The following TUBGCP6 variants were observed in gnomAD, a reference collection of about 807,000 sequenced individuals.
The protein encoded by TUBGCP6 is gamma-tubulin complex component 6.
TUBGCP6 carries 161 observed loss-of-function variants against 175.8 expected under a neutral mutation model. That is an observed-to-expected ratio of 0.92 (90% confidence interval 0.81 to 1.04). The LOEUF (loss-of-function observed/expected upper bound fraction) is 1.04, where lower values mean the gene tolerates loss of function less well. Ranked by LOEUF, TUBGCP6 falls within the 50% of genes least tolerant of loss-of-function variation. The probability of loss-of-function intolerance (pLI) is 0.00; values close to 1 mark genes in which losing one functional copy is unlikely to be tolerated. For missense variants in TUBGCP6, 2,572 were observed against 2,433.0 expected, an observed-to-expected ratio of 1.06 and a Z score of -1.20; for synonymous variants, 1,173 against 1,030.5, an observed-to-expected ratio of 1.14 and a Z score of -2.65.
rs938904841 is a variant in TUBGCP6, at chr22:50,233,375, C to A, written c.1057G>T (p.Val353Leu). The A allele has an allele frequency of 3.1e-6, 5 of 1,613,942 alleles. No homozygotes were observed. In the African/African-American group the frequency reaches 6.7e-5, roughly 22 times the overall value. ...QPVLVKECEL[V>L]KDVLNVLIGV... ...ATCAAGACGTTCAGCACGTCTTTCACCAGCTCGCACTCCTTCACCAGCACG... is the reference window on the plus strand; with the variant it reads ...ATCAAGACGTTCAGCACGTCTTTCAACAGCTCGCACTCCTTCACCAGCACG... Residue 353 changes from valine (V) to leucine (L), a missense_variant, in exon 3 of 25, where the codon GTG (valine) becomes TTG (leucine). Val to Leu is a conservative substitution (Grantham distance 32, BLOSUM62 1). Transcript: ENST00000248846.
intron 3 of TUBGCP6, among the ~76,000 whole-genome samples, chr22:50,230,128 G>A (rs1260011836): frequency 6.6e-6 from 1 of 152,156 alleles, no homozygotes; most frequent in Non-Finnish European, 1.5e-5. Context: ...AAAGGAACAA[G>A]ATACCAAACC....
At chr22:50,224,991 C>G (rs1478260418) in intron 10 of TUBGCP6, among the ~76,000 whole-genome samples, 1 of 152,126 alleles carries the variant, frequency 6.6e-6, no homozygotes, top group Non-Finnish European at 1.5e-5. Flanking sequence ...GGACTCAGGG[C>G]CGGCAGGGGA....
At chr22:50,243,574 C>A (rs138472884) in intron 1 of TUBGCP6, 145 bp downstream of exon 1, 13 of 794,918 alleles carry the variant, frequency 1.6e-5, no homozygotes, top group Non-Finnish European at 2.4e-5. Flanking sequence ...GCCAAGATCG[C>A]GCCACTGCAC....
intron 2 of TUBGCP6, among the ~76,000 whole-genome samples, chr22:50,236,398 G>A (rs1260423969): frequency 1.3e-5 from 2 of 152,170 alleles, no homozygotes; most frequent in African/African-American, 4.8e-5. Context: ...GCCTCCCAAA[G>A]TGCTGGGATT....
chr22:50,219,019 C>T (rs1305565975), intron 20 of TUBGCP6, 49 bp downstream of exon 20: 4 of 1,605,304 alleles, frequency 2.5e-6, no homozygotes, highest in Middle Eastern at 4.3e-4. Context: ...TCTCTCTTTT[C>T]CCACGGCCTC....
At chr22:50,233,049 G>A (rs2064714305) in intron 3 of TUBGCP6, among the ~76,000 whole-genome samples, 1 of 152,246 alleles carries the variant, frequency 6.6e-6, no homozygotes, top group Admixed American at 6.5e-5. Flanking sequence ...TGGAAATGCG[G>A]GGAGGAACAT....
In TUBGCP6 at chr22:50,218,691, G is replaced by A; in HGVS notation, c.4821+12C>T. ...CCCTGTCCCATCCCCCGCGGCCAGG[G>A]CTGCTGCTGACCTTGTACCTGAGCT... is the stretch of plus-strand genomic sequence containing the variant. On this transcript the variant is annotated intron_variant, in intron 21 of 24. Transcript: ENST00000248846. The A allele has an allele frequency of 1.2e-6, 2 of 1,613,442 alleles. No homozygotes were observed. The highest frequency in any genetic ancestry group is 2.2e-5 in the East Asian group (1 of 44,870).
Position 50,244,517 on chromosome 22 carries a change from T to G in TUBGCP6, c.-58A>C. On this transcript the variant is annotated 5_prime_UTR_variant, in exon 1 of 25. Coordinates refer to ENST00000248846, the MANE Select transcript of TUBGCP6 (RefSeq NM_020461.4). ...GGAAAACACCTCACCCGGGCTTCAC[T>G]CACGCTCCGGAAGACAGGGAGTGAG... The G allele has an allele frequency of 6.6e-7, 1 of 1,524,026 alleles. No individual in the cohort carries two copies. The highest frequency in any genetic ancestry group is 8.8e-7 in the Non-Finnish European group (1 of 1,138,930). 94.4% of individuals were successfully genotyped at this position (1,524,026 alleles called of 1,614,324 possible). A position where few individuals can be genotyped will look rare whatever the true frequency, so the allele number is the denominator to read the frequency against.
Position 50,224,328 on chromosome 22 carries a change from C to T in TUBGCP6, c.2154+4G>A. On this transcript the variant is annotated splice_donor_region_variant and intron_variant, in intron 12 of 24. Coordinates refer to ENST00000248846, the MANE Select transcript of TUBGCP6 (RefSeq NM_020461.4). ...GTGACCCCGCAGGGACAGGTCCTAC[C>T]CACCTCCTGGTCCTTCACAAATTGT... 1 of 1,614,222 alleles carries T rather than the reference C, an allele frequency of 6.2e-7. No individual in the cohort carries two copies.
In TUBGCP6 at chr22:50,217,753, A is replaced by AGTT. The variant is rs760483595; in HGVS notation, c.5440_5442dup (p.Asn1814dup). 2.4e-5 allele frequency: 38 copies of AGTT among 1,613,844 alleles called. No individual in the cohort carries two copies. The African/African-American group carries it at 3.7e-4, about 16-fold the overall frequency. On this transcript the variant is annotated inframe_insertion, in exon 25 of 25. Coordinates refer to ENST00000248846, the MANE Select transcript of TUBGCP6 (RefSeq NM_020461.4). ...GAGCAGCCTCAGGCGTCCTGGTAGT[A>AGTT]GTTGTTGAAGTTGATGCGCAGCAGA... is the stretch of plus-strand genomic sequence containing the variant.
rs55985560 is a variant in TUBGCP6, at chr22:50,218,689, G to A, written c.4821+14C>T. On this transcript the variant is annotated intron_variant, in intron 21 of 24. Coordinates refer to ENST00000248846, the MANE Select transcript of TUBGCP6 (RefSeq NM_020461.4). Reference sequence around the variant, plus strand: ...GCCCCTGTCCCATCCCCCGCGGCCAGGGCTGCTGCTGACCTTGTACCTGAG... The same window carrying A: ...GCCCCTGTCCCATCCCCCGCGGCCAAGGCTGCTGCTGACCTTGTACCTGAG... The A allele has an allele frequency of 9.2e-3, 14,922 of 1,613,450 alleles. 98 individuals carry two copies. Among genetic ancestry groups the A allele is most frequent in the Non-Finnish European group, 0.011 (12,513 of 1,179,724 alleles).
chr22:50,219,416 G>C lies in TUBGCP6; in HGVS notation c.4356C>G (p.Pro1452=), dbSNP rs755212983. 46 of 1,569,044 alleles carry C rather than the reference G, an allele frequency of 2.9e-5. No individual in the cohort carries two copies. The highest frequency in any genetic ancestry group is 3.9e-5 in the Non-Finnish European group (45 of 1,157,810). ...PIAHLLRPVL[P]RAFAFPVDPQ... is the part of the protein sequence containing the mutation. The stretch of plus-strand genomic sequence containing the variant: ...GGTCCACGGGGAAGGCGAAGGCCCG[G>C]GGAAGCACGGGGCGCAAAAGATGAG... Residue 1452 remains proline, a synonymous_variant, in exon 19 of 25, where the codon CCC becomes CCG. Transcript: ENST00000248846.
intron 1 of TUBGCP6, 111 bp from the exon 2 acceptor site, chr22:50,240,478 T>A: frequency 1.5e-6 from 2 of 1,337,668 alleles, no homozygotes; most frequent in Non-Finnish European, 1.0e-6. Context: ...ATGTTTCTTC[T>A]GTTTTTCTCA....
intron 4 of TUBGCP6, among the ~76,000 whole-genome samples, chr22:50,228,616 C>A (rs1418654045): frequency 6.6e-6 from 1 of 152,102 alleles, no homozygotes; most frequent in Non-Finnish European, 1.5e-5. Context: ...CAGTCCAGCC[C>A]TTCTCAGCGT....
At chr22:50,232,373 A>G (rs2064704610) in intron 3 of TUBGCP6, among the ~76,000 whole-genome samples, 1 of 14,936 alleles carries the variant, frequency 6.7e-5, no homozygotes, top group Admixed American at 4.9e-4. Context: ...CTCAAAAAAA[A>G]AAAAGAAAAA....
rs2064471711 is a variant in TUBGCP6, at chr22:50,219,219, G to A, written c.4485-10C>T. On this transcript the variant is annotated splice_polypyrimidine_tract_variant and intron_variant, in intron 19 of 24. Coordinates refer to ENST00000248846, the MANE Select transcript of TUBGCP6 (RefSeq NM_020461.4). The stretch of plus-strand genomic sequence containing the variant: ...GTTCACCAAGGAGATGCTGGCAGGA[G>A]GGAGCTGGAGTCAGGGCGGGCCAGG... 1.2e-6 allele frequency: 2 copies of A among 1,611,032 alleles called. No individual in the cohort carries two copies. The highest frequency in any genetic ancestry group is 1.1e-5 in the South Asian group (1 of 91,024).
rs766656779 is a variant in TUBGCP6, at chr22:50,220,348, C to A, written c.4011G>T (p.Gly1337=). The A allele has an allele frequency of 2.0e-6, 3 of 1,529,996 alleles. No homozygotes were observed. The Admixed American group carries it at 6.0e-5, about 31-fold the overall frequency. The allele number at this position is 1,529,996 out of a possible 1,614,324, so 94.8% of individuals were successfully genotyped here. The stretch of plus-strand genomic sequence containing the variant: ...TCTCCCCCACGCTGATGCTCCCCTC[C>A]CCGCAGCCCGAGCTGGGGGAGGACA... The part of the protein sequence containing the change: ...PSLSSPSSGC[G]EGSISVGENV... Residue 1337 remains glycine, a synonymous_variant, in exon 16 of 25, where the codon GGG becomes GGT. Transcript: ENST00000248846.
chr22:50,221,434 G>A lies in TUBGCP6; in HGVS notation c.2925C>T (p.Cys975=), dbSNP rs1179936521. 1.9e-6 allele frequency: 3 copies of A among 1,598,922 alleles called. No individual in the cohort carries two copies. The South Asian group carries it at 3.3e-5, about 18-fold the overall frequency. The change falls in exon 16 of 25, where the codon TGC becomes TGT. Residue 975 remains cysteine (C), a synonymous_variant. Coordinates refer to ENST00000248846, the MANE Select transcript of TUBGCP6 (RefSeq NM_020461.4). ...GCTGTAGCCCTGAGCTGCCCAAGCTGCACTCTGCAGCCTGCAGGGGCCCTG... is the reference window on the plus strand; with the variant it reads ...GCTGTAGCCCTGAGCTGCCCAAGCTACACTCTGCAGCCTGCAGGGGCCCTG... The part of the protein sequence containing the change: ...PAPGPLQAAE[C]SLGSSGLQLW...
Position 50,218,730 on chromosome 22 carries a change from C to G in TUBGCP6, c.4794G>C (p.Val1598=). Residue 1598 remains valine (V), a synonymous_variant, in exon 21 of 25, where the codon GTG becomes GTC. Coordinates refer to ENST00000248846, the MANE Select transcript of TUBGCP6 (RefSeq NM_020461.4). The part of the protein sequence containing the change: ...PEVFAPNAPD[V]LSCLELRYKV... ...TGTACCTGAGCTCCAGGCAGCTCAG[C>G]ACATCCGGGGCGTTGGGGGCAAACA... is the stretch of plus-strand genomic sequence containing the variant. 1 of 1,613,914 alleles carries G rather than the reference C, an allele frequency of 6.2e-7. No individual in the cohort carries two copies. Among genetic ancestry groups the G allele is most frequent in the African/African-American group, 1.3e-5 (1 of 75,040 alleles).
Sources: gnomAD v4.1 joint callset for allele counts (sites outside exome capture counted in the v4.1 genomes callset) on GRCh38, gnomAD v4.1.1 for gene constraint, MANE v1.5 for transcripts, NCBI Gene and HGNC (gene_info 2026-07-23, HGNC 2026-07-21) for gene names.